SOX5: variants seen among roughly 807,000 people sequenced by gnomAD.
The protein encoded by SOX5 is SRY-box transcription factor 5.
SOX5 carries 9 observed loss-of-function variants against 92.0 expected under a neutral mutation model. The ratio of observed to expected loss-of-function variants is 0.10; its 90% CI spans 0.06 to 0.17. The LOEUF (loss-of-function observed/expected upper bound fraction) is 0.17. Among genes scored for constraint, SOX5 ranks in the 10% least tolerant of loss-of-function variants. The pLI, the probability that SOX5 is intolerant of heterozygous loss-of-function variation, is 1.00. For missense variants in SOX5, 642 were observed against 944.5 expected, an observed-to-expected ratio of 0.68 and a Z score of 4.20; for synonymous variants, 344 against 336.3, an observed-to-expected ratio of 1.02 and a Z score of -0.25.
intron 4 of SOX5, among the ~76,000 whole-genome samples, chr12:24,101,832 G>A (rs890614087): frequency 6.6e-6 from 1 of 152,120 alleles, no homozygotes; most frequent in African/African-American, 2.4e-5. Context: ...GAAACATGAT[G>A]TGGAGGATAG....
intron 1 of SOX5, among the ~76,000 whole-genome samples, chr12:23,924,519 T>C (rs770561737): frequency 6.6e-6 from 1 of 152,168 alleles, no homozygotes; most frequent in African/African-American, 2.4e-5. Context: ...CAGAATGTCC[T>C]TAGTTGTAAG....
At chr12:24,141,221 T>C (rs2138660085) in intron 4 of SOX5, among the ~76,000 whole-genome samples, 1 of 152,322 alleles carries the variant, frequency 6.6e-6, no homozygotes, top group Non-Finnish European at 1.5e-5. Flanking sequence ...TTTCTTCTCC[T>C]ACATGATTTA....
chr12:24,217,618 G>A (rs529583815), intron 3 of SOX5, among the ~76,000 whole-genome samples: 143 of 152,204 alleles, frequency 9.4e-4, no homozygotes, highest in African/African-American at 3.2e-3. Context: ...GATATGTCAA[G>A]CAACAAAAGA....
chr12:24,246,283 T>A (rs74852009), intron 3 of SOX5, among the ~76,000 whole-genome samples: 39 of 94,444 alleles, frequency 4.1e-4, no homozygotes, highest in Admixed American at 1.4e-3. Flanking sequence ...CAGACACAGA[T>A]TTTTTTTTTT....
chr12:24,343,017 C>G (rs916081060), intron 2 of SOX5, among the ~76,000 whole-genome samples: 3 of 152,212 alleles, frequency 2.0e-5, no homozygotes, highest in African/African-American at 7.2e-5. Flanking sequence ...CCACACCCAC[C>G]TTTTTAAACT....
intron 3 of SOX5, among the ~76,000 whole-genome samples, chr12:23,762,872 A>G (rs2094602038): frequency 1.3e-5 from 2 of 152,182 alleles, no homozygotes; most frequent in Admixed American, 1.3e-4. Context: ...CATATTTTCT[A>G]TACAAAAATC....
At chr12:23,945,074 A>G (rs1169326947) in intron 1 of SOX5, among the ~76,000 whole-genome samples, 1 of 152,174 alleles carries the variant, frequency 6.6e-6, no homozygotes, top group African/African-American at 2.4e-5. Context: ...TATACTCATT[A>G]GGTTGCTGAA....
chr12:23,959,257 CAT>C (rs908665474), intron 4 of SOX5, among the ~76,000 whole-genome samples: 1 of 151,528 alleles, frequency 6.6e-6, no homozygotes, highest in African/African-American at 2.4e-5. Context: ...GAAATTAAAA[CAT>C]AATGTAGAAT....
At chr12:23,809,619 T>TA (rs11390865) in intron 3 of SOX5, among the ~76,000 whole-genome samples, 65,995 of 148,416 alleles carry the variant, frequency 0.44, 14,646 homozygotes, top group East Asian at 0.73. Context: ...ACTTTTTTAT[T>TA]AAAAAAAAAA....
At chr12:23,682,568 C>T (rs2086796608) in intron 6 of SOX5, among the ~76,000 whole-genome samples, 1 of 151,648 alleles carries the variant, frequency 6.6e-6, no homozygotes, top group African/African-American at 2.4e-5. Flanking sequence ...AATTCAAAAC[C>T]TGTACAGTTT....
intron 9 of SOX5, among the ~76,000 whole-genome samples, chr12:23,577,193 T>TATATATATATATATA (rs1391132741): frequency 1.9e-5 from 1 of 53,670 alleles, no homozygotes; most frequent in African/African-American, 6.6e-5. Context: ...ATATATATAT[T>TATATATATATATATA]TTTTTTTTTT....
At chr12:23,721,073 T>TTTTTATTTA (rs1555290389) in intron 6 of SOX5, among the ~76,000 whole-genome samples, 23 of 146,426 alleles carry the variant, frequency 1.6e-4, no homozygotes, top group African/African-American at 5.5e-4. Context: ...ATATTAATTA[T>TTTTTATTTA]TTTATTTATT....
intron 1 of SOX5, among the ~76,000 whole-genome samples, chr12:24,492,313 C>T (rs1453732913): frequency 6.6e-6 from 1 of 152,054 alleles, no homozygotes; most frequent in Admixed American, 6.5e-5. Flanking sequence ...GCCTCATTCC[C>T]CCAATTTAAA....
intron 1 of SOX5, among the ~76,000 whole-genome samples, chr12:24,431,078 A>G (rs1251093937): frequency 6.6e-6 from 1 of 152,218 alleles, no homozygotes; most frequent in Non-Finnish European, 1.5e-5. Flanking sequence ...TCATATTTTT[A>G]AAGAAGACTT....
intron 3 of SOX5, among the ~76,000 whole-genome samples, chr12:24,255,613 T>C (rs1941020290): frequency 6.6e-6 from 1 of 152,044 alleles, no homozygotes; most frequent in South Asian, 2.1e-4. Flanking sequence ...AGCTAGGGAA[T>C]TAGGTAGGTG....
intron 8 of SOX5, among the ~76,000 whole-genome samples, chr12:23,608,319 A>T (rs1448728028): frequency 6.6e-6 from 1 of 152,008 alleles, no homozygotes; most frequent in Admixed American, 6.6e-5. Flanking sequence ...TGCTTAAAAC[A>T]TTGCATTCTC....
At chr12:23,755,224 A>C (rs2094326128) in intron 4 of SOX5, among the ~76,000 whole-genome samples, 1 of 151,620 alleles carries the variant, frequency 6.6e-6, no homozygotes, top group Non-Finnish European at 1.5e-5. Context: ...CTCCCCTTTC[A>C]TCATTTCTGG....
intron 2 of SOX5, among the ~76,000 whole-genome samples, 177 bp downstream of exon 2, chr12:23,895,616 C>T (rs571429104): frequency 2.6e-5 from 4 of 152,218 alleles, no homozygotes; most frequent in East Asian, 1.9e-4. Context: ...ACGAAAACAG[C>T]GTATCTTATG....
intron 1 of SOX5, among the ~76,000 whole-genome samples, chr12:24,531,409 A>C (rs1951184534): frequency 6.6e-6 from 1 of 152,220 alleles, no homozygotes; most frequent in African/African-American, 2.4e-5. Flanking sequence ...CAATCTAAAA[A>C]TGGACACATT....
Sources: gnomAD v4.1 joint callset for allele counts (sites outside exome capture counted in the v4.1 genomes callset) on GRCh38, gnomAD v4.1.1 for gene constraint, MANE v1.5 for transcripts, NCBI Gene and HGNC (gene_info 2026-07-23, HGNC 2026-07-21) for gene names.